Variants in NMBR observed in about 807,000 individuals in gnomAD.
NMBR encodes neuromedin B receptor, also known as neuromedin-B receptor.
Under a neutral mutation model 20.5 loss-of-function variants are expected in NMBR, and 16 were observed. The observed-to-expected ratio is 0.78, with a 90% confidence interval of 0.53 to 1.19. NMBR has a LOEUF of 1.19. Among genes scored for constraint, NMBR ranks in the 50% most tolerant of loss-of-function variants. The pLI is 0.00. For missense variants in NMBR, 582 were observed against 499.1 expected, an observed-to-expected ratio of 1.17 and a Z score of -1.58; for synonymous variants, 212 against 196.6, an observed-to-expected ratio of 1.08 and a Z score of -0.65.
intron 1 of NMBR, among the ~76,000 whole-genome samples, chr6:142,095,031 A>G (rs1777417150): frequency 6.6e-6 from 1 of 152,184 alleles, no homozygotes; most frequent in African/African-American, 2.4e-5. Flanking sequence ...GGAGTTGCCT[A>G]TCCGCTTAAG....
chr6:142,131,994 C>T (rs1778151481), intron 1 of NMBR, among the ~76,000 whole-genome samples: 1 of 152,300 alleles, frequency 6.6e-6, no homozygotes, highest in African/African-American at 2.4e-5. Flanking sequence ...AATTCTGATT[C>T]TGAGAAGATG....
chr6:142,110,748 G>A (rs957895941), intron 1 of NMBR, among the ~76,000 whole-genome samples: 1 of 152,128 alleles, frequency 6.6e-6, no homozygotes, highest in Non-Finnish European at 1.5e-5. Flanking sequence ...CAACAAAGGT[G>A]TTAACTAAAG....
At chr6:142,121,409 A>C (rs1777942171) in intron 1 of NMBR, among the ~76,000 whole-genome samples, 1 of 151,976 alleles carries the variant, frequency 6.6e-6, no homozygotes, top group South Asian at 2.1e-4. Context: ...GCCAAGACAG[A>C]CTGAAAGCTC....
At chr6:142,077,023 C>G (rs1375212321) in intron 3 of NMBR, among the ~76,000 whole-genome samples, 1 of 152,170 alleles carries the variant, frequency 6.6e-6, no homozygotes, top group African/African-American at 2.4e-5. Context: ...GGCCAGGAAG[C>G]AGAATGTGAT....
chr6:142,138,104 A>G (rs190742007), intron 1 of NMBR, among the ~76,000 whole-genome samples: 17 of 152,230 alleles, frequency 1.1e-4, no homozygotes, highest in South Asian at 6.2e-4. Flanking sequence ...TTCAGAGACA[A>G]TTTTATATTG....
chr6:142,085,683 G>C (rs934581088), intron 2 of NMBR, among the ~76,000 whole-genome samples: 1 of 152,054 alleles, frequency 6.6e-6, no homozygotes, highest in African/African-American at 2.4e-5. Context: ...ATGAAGTGTA[G>C]AATATGAGTC....
At chr6:142,132,920 C>T (rs534959905) in intron 1 of NMBR, among the ~76,000 whole-genome samples, 1 of 152,034 alleles carries the variant, frequency 6.6e-6, no homozygotes, top group Non-Finnish European at 1.5e-5. Flanking sequence ...ATTAGATTGG[C>T]CACATGCTCT....
chr6:142,093,194 C>T (rs1316443636), intron 1 of NMBR, among the ~76,000 whole-genome samples: 1 of 151,584 alleles, frequency 6.6e-6, no homozygotes, highest in African/African-American at 2.4e-5. Flanking sequence ...GGTACATGTG[C>T]ACAACATGCA....
chr6:142,095,113 C>A (rs1489637117), intron 1 of NMBR, among the ~76,000 whole-genome samples: 1 of 152,044 alleles, frequency 6.6e-6, no homozygotes, highest in Admixed American at 6.6e-5. Context: ...GACAATTTGA[C>A]TTCCTCTTTT....
intron 1 of NMBR, among the ~76,000 whole-genome samples, chr6:142,101,338 G>C (rs1349231033): frequency 1.3e-5 from 2 of 152,126 alleles, no homozygotes; most frequent in Non-Finnish European, 2.9e-5. Context: ...GGCTAAACTT[G>C]ATTTCACAAT....
intron 2 of NMBR, among the ~76,000 whole-genome samples, chr6:142,087,703 T>C (rs1777225427): frequency 6.6e-6 from 1 of 152,242 alleles, no homozygotes; most frequent in Admixed American, 6.5e-5. Flanking sequence ...AGAACATTTA[T>C]TAATCTAATT....
At chr6:142,136,316 A>G (rs1169519490) in intron 1 of NMBR, among the ~76,000 whole-genome samples, 1 of 152,048 alleles carries the variant, frequency 6.6e-6, no homozygotes, top group Non-Finnish European at 1.5e-5. Context: ...GTTTGTTCAT[A>G]TCCTTTGCCC....
intron 1 of NMBR, among the ~76,000 whole-genome samples, chr6:142,107,282 A>AT (rs1777679739): frequency 2.0e-5 from 3 of 152,240 alleles, no homozygotes; most frequent in African/African-American, 2.4e-5. Flanking sequence ...CTCAAAAACC[A>AT]GTCTTGCAAA....
chr6:142,092,791 T>G (rs2114571412), intron 1 of NMBR, among the ~76,000 whole-genome samples: 1 of 152,290 alleles, frequency 6.6e-6, no homozygotes, highest in Middle Eastern at 3.4e-3. Flanking sequence ...CAGAGAAAAG[T>G]GAGTCATACA....
chr6:142,094,670 T>A (rs1454471534), intron 1 of NMBR, among the ~76,000 whole-genome samples: 1 of 152,150 alleles, frequency 6.6e-6, no homozygotes, highest in Non-Finnish European at 1.5e-5. Context: ...TAAAGGAGTT[T>A]TTTTCCAATT....
In NMBR at chr6:142,075,692, C is replaced by G; in HGVS notation, c.1129G>C (p.Val377Leu). The G allele has an allele frequency of 3.1e-6, 5 of 1,613,346 alleles. No homozygotes were observed. Among genetic ancestry groups the G allele is most frequent in the Non-Finnish European group, 3.4e-6 (4 of 1,179,644 alleles). The part of the protein sequence containing the change: ...SNAKNMVTNS[V>L]LLNGHSMKQE... Reference sequence around the variant, plus strand: ...TTCATGCTGTGCCCATTTAGTAAAACAGAATTGGTCACCATGTTCTTAGCA... The same window carrying G: ...TTCATGCTGTGCCCATTTAGTAAAAGAGAATTGGTCACCATGTTCTTAGCA... Residue 377 changes from valine (V) to leucine (L), a missense_variant, in exon 4 of 4, where the codon GTT (valine) becomes CTT (leucine). Physicochemically the swap from Val to Leu is conservative, Grantham distance 32. Coordinates refer to ENST00000258042, the MANE Select transcript of NMBR (RefSeq NM_002511.4).
At chr6:142,140,681 A>C (rs1345417237) in intron 1 of NMBR, among the ~76,000 whole-genome samples, 3 of 152,140 alleles carry the variant, frequency 2.0e-5, no homozygotes, top group African/African-American at 4.8e-5. Flanking sequence ...ACATTTTTAA[A>C]TATTTAAAGG....
At chr6:142,109,204 T>C (rs1777715632) in intron 1 of NMBR, among the ~76,000 whole-genome samples, 1 of 152,126 alleles carries the variant, frequency 6.6e-6, no homozygotes, top group African/African-American at 2.4e-5. Context: ...CATTCCGGGC[T>C]CTGGAGGAGA....
In NMBR at chr6:142,096,873, A is replaced by G. The variant is rs376884891; in HGVS notation, c.-663-7552T>C. Among the ~76,000 whole-genome samples the G allele has an allele frequency of 5.1e-4, 77 of 151,610 alleles. No individual in the cohort carries two copies. The East Asian group carries it at 0.013, about 25-fold the overall frequency. Reference sequence around the variant, plus strand: ...GGGTGCTCCTGTATTGGGTGCATATATATTTAGGATAGTTAGCTCTTGTTG... The same window carrying G: ...GGGTGCTCCTGTATTGGGTGCATATGTATTTAGGATAGTTAGCTCTTGTTG... On this transcript the variant is annotated intron_variant, in intron 1 of 3. Coordinates refer to ENST00000258042, the MANE Select transcript of NMBR (RefSeq NM_002511.4).
Sources: allele counts gnomAD v4.1 joint callset (sites outside exome capture counted in the v4.1 genomes callset), GRCh38; gene constraint gnomAD v4.1.1; transcripts MANE v1.5; gene names NCBI Gene and HGNC (gene_info 2026-07-23, HGNC 2026-07-21).